Variants in INF2 observed in about 807,000 individuals in gnomAD.
INF2 encodes inverted formin-2.
INF2 carries 43 observed loss-of-function variants against 123.5 expected under a neutral mutation model. The observed-to-expected ratio is 0.35, with a 90% CI of 0.27 to 0.45. The LOEUF (loss-of-function observed/expected upper bound fraction) is 0.45. Ranked by LOEUF, INF2 falls within the 20% of genes least tolerant of loss-of-function variation. The pLI, the probability that INF2 is intolerant of heterozygous loss-of-function variation, is 1.00. For synonymous variants in INF2, 851 were observed against 745.0 expected (o/e 1.14, Z -2.32); for missense variants, 1,453 against 1,682.7 (o/e 0.86, Z 2.39).
chr14:104,710,151 G>A lies in INF2; in HGVS notation c.2202G>A (p.Val734=), dbSNP rs376146089. The A allele has an allele frequency of 1.7e-4, 270 of 1,552,392 alleles. No individual in the cohort carries two copies. Among genetic ancestry groups the A allele is most frequent in the Non-Finnish European group, 2.2e-4 (256 of 1,148,836 alleles). The change falls in exon 13 of 23, where the codon GTG becomes GTA. Residue 734 remains valine, a synonymous_variant. Transcript: ENST00000392634. ...CEGAAAVLDM[V]RPKAQLVLAA... is the part of the protein sequence containing the mutation. ...GCGCGGCCGCCGTGCTGGACATGGT[G>A]CGGCCCAAGGCCCAGCTGGTGCTGG...
At chr14:104,682,743 C>T (rs1319282818) in intron 1 of INF2, among the ~76,000 whole-genome samples, 1 of 152,168 alleles carries the variant, frequency 6.6e-6, no homozygotes, top group East Asian at 1.9e-4. Flanking sequence ...CAGGAATGCT[C>T]ACCGTGAAAC....
intron 1 of INF2, among the ~76,000 whole-genome samples, chr14:104,683,163 G>A (rs1332014062): frequency 2.0e-5 from 3 of 152,052 alleles, no homozygotes; most frequent in African/African-American, 7.2e-5. Flanking sequence ...CCTGGGGGAG[G>A]GGTCTGCGGG....
At position 104,722,534 on chromosome 14, in the gene INF2, T is replaced by A. The variant is rs1261522627; in HGVS notation, c.*3741T>A. 5 of 152,238 alleles carry A rather than the reference T, an allele frequency of 3.3e-5. No individual in the cohort carries two copies. Among genetic ancestry groups the A allele is most frequent in the African/African-American group, 4.8e-5 (2 of 41,414 alleles). The allele number at this position is 152,238 out of a possible 1,614,324, so 9.4% of individuals were successfully genotyped here. On this transcript the variant is annotated 3_prime_UTR_variant, in exon 23 of 23. Coordinates refer to ENST00000392634, the MANE Select transcript of INF2 (RefSeq NM_022489.4). ...ATCTGGAAACAAACCTCCATGACGC[T>A]CTTGGTTTCTCCTGTTGCAGTCTGC...
At chr14:104,682,003 A>G (rs1430258417) in intron 1 of INF2, among the ~76,000 whole-genome samples, 7 of 150,938 alleles carry the variant, frequency 4.6e-5, no homozygotes, top group African/African-American at 1.7e-4. Flanking sequence ...GGAGGGGAGG[A>G]GGGCCTGGAG....
rs750711173 is a variant in INF2, at chr14:104,703,297, G to A, written c.510G>A (p.Thr170=). The A allele has an allele frequency of 7.3e-5, 118 of 1,612,936 alleles. No homozygotes were observed. The highest frequency in any genetic ancestry group is 2.8e-5 in the Non-Finnish European group (33 of 1,179,924). The change falls in exon 4 of 23, where the codon ACG becomes ACA. Residue 170 remains threonine (T), a splice_region_variant and synonymous_variant. Coordinates refer to ENST00000392634, the MANE Select transcript of INF2 (RefSeq NM_022489.4). ...LTLDALDHYK[T]VCSQQYRFSI... ...CCCTGACCCCGCCCTCCCCACAGAC[G>A]GTGTGCAGCCAGCAGTACCGCTTCA...
At chr14:104,694,303 G>A (rs1435949672) in intron 1 of INF2, among the ~76,000 whole-genome samples, 4 of 152,374 alleles carry the variant, frequency 2.6e-5, no homozygotes, top group Admixed American at 6.5e-5. Context: ...TGGCACCCTC[G>A]TGTCCCAGCA....
intron 21 of INF2, 65 bp from the exon 22 acceptor site, chr14:104,715,219 C>G (rs1890240675): frequency 1.3e-6 from 2 of 1,520,396 alleles, no homozygotes; most frequent in Admixed American, 1.7e-5. Context: ...CAGCCCCACC[C>G]ACTCCGAGTC....
chr14:104,712,605 T>C, intron 17 of INF2, 52 bp downstream of exon 17: 3 of 1,609,998 alleles, frequency 1.9e-6, no homozygotes, highest in East Asian at 4.5e-5. Flanking sequence ...CCTGATAGAG[T>C]GAGCTGGGCG....
chr14:104,703,086 G>T lies in INF2; in HGVS notation c.392-19G>T, dbSNP rs1193043432. On this transcript the variant is annotated intron_variant, in intron 2 of 22. Coordinates refer to ENST00000392634, the MANE Select transcript of INF2 (RefSeq NM_022489.4). The stretch of plus-strand genomic sequence containing the variant: ...GGGGTGCATTGGCCCTGCTGAGCCT[G>T]CCCACTCCACCCTGGCAGCCCTGGA... 1 of 1,599,176 alleles carries T rather than the reference G, an allele frequency of 6.3e-7. No homozygotes were observed. Among genetic ancestry groups the T allele is most frequent in the Non-Finnish European group, 8.6e-7 (1 of 1,167,662 alleles).
chr14:104,716,110 G>A (rs1018591569), intron 22 of INF2: 1 of 365,418 alleles, frequency 2.7e-6, no homozygotes, highest in Admixed American at 3.5e-5. Context: ...GAACCAGAAG[G>A]TCCAGCCCGG....
At chr14:104,706,279 C>A in intron 6 of INF2, 103 bp downstream of exon 6, 2 of 1,200,680 alleles carry the variant, frequency 1.7e-6, no homozygotes, top group Non-Finnish European at 2.3e-6. Flanking sequence ...CTGGTCAGAC[C>A]CTGCTGTGAC....
Position 104,719,960 on chromosome 14 carries a change from G to T in INF2, c.*1167G>T, listed in dbSNP as rs144904710. ...AAACCACCAGACTCCCTGGTTATGT[G>T]TGTGCTGCGGTGGTGTTTGCTCTCC... On this transcript the variant is annotated 3_prime_UTR_variant, in exon 23 of 23. Coordinates refer to ENST00000392634, the MANE Select transcript of INF2 (RefSeq NM_022489.4). 1,005 of 152,566 alleles carry T rather than the reference G, an allele frequency of 6.6e-3. 8 individuals carry two copies. The highest frequency in any genetic ancestry group is 9.1e-3 in the Non-Finnish European group (619 of 68,182). 9.5% of individuals were successfully genotyped at this position (152,566 alleles called of 1,614,324 possible).
chr14:104,694,221 C>T (rs947730753), intron 1 of INF2, among the ~76,000 whole-genome samples: 7 of 152,228 alleles, frequency 4.6e-5, no homozygotes, highest in South Asian at 4.1e-4. Flanking sequence ...GCTACGGGGC[C>T]CTGGAGAACA....
chr14:104,712,782 G>A (rs753890097), intron 17 of INF2, 46 bp from the exon 18 acceptor site: 1 of 1,553,800 alleles, frequency 6.4e-7, no homozygotes, highest in South Asian at 1.2e-5. Context: ...CCCGGGTGGT[G>A]CCCGCGCGGG....
intron 1 of INF2, among the ~76,000 whole-genome samples, chr14:104,698,772 CAGA>C (rs1217876268): frequency 1.3e-5 from 2 of 152,124 alleles, no homozygotes; most frequent in African/African-American, 4.8e-5. Context: ...GGCAGCACCA[CAGA>C]AGGAGGAGAG....
At position 104,722,425 on chromosome 14, in the gene INF2, G is replaced by GC. The variant is rs370584014; in HGVS notation, c.*3640dup. On this transcript the variant is annotated 3_prime_UTR_variant, in exon 23 of 23. Coordinates refer to ENST00000392634, the MANE Select transcript of INF2 (RefSeq NM_022489.4). ...CCCCAGGAAGGGCTCAGAGCTGGTG[G>GC]CCCCCCCCAGGCCTTGGCAGCACCT... 9.8e-4 allele frequency: 149 copies of GC among 151,986 alleles called. 1 individual carries two copies. Among genetic ancestry groups the GC allele is most frequent in the African/African-American group, 1.7e-3 (70 of 41,422 alleles). 9.4% of individuals were successfully genotyped at this position (151,986 alleles called of 1,614,324 possible).
In INF2 at chr14:104,701,339, C is replaced by G; in HGVS notation, c.-9-18C>G. ...CCCATCCCCTCCCCGCTGACGGCTC[C>G]CTGCCCTCTGCCTGCAGCTCGGCAA... On this transcript the variant is annotated intron_variant, in intron 1 of 22. Coordinates refer to ENST00000392634, the MANE Select transcript of INF2 (RefSeq NM_022489.4). The G allele has an allele frequency of 6.4e-7, 1 of 1,559,526 alleles. No homozygotes were observed. Among genetic ancestry groups the G allele is most frequent in the Non-Finnish European group, 8.7e-7 (1 of 1,151,288 alleles).
chr14:104,714,887 C>G, intron 21 of INF2, 31 bp downstream of exon 21: 3 of 1,500,082 alleles, frequency 2.0e-6, no homozygotes, highest in Non-Finnish European at 2.6e-6. Flanking sequence ...GGGCACCGTC[C>G]CACGCCAGGG....
chr14:104,709,445 C>T, intron 11 of INF2, 62 bp downstream of exon 11: 1 of 1,394,370 alleles, frequency 7.2e-7, no homozygotes, highest in Non-Finnish European at 1.0e-6. Context: ...GAGAGGCTGT[C>T]CCGGGGGCTC....
Sources: allele counts gnomAD v4.1 joint callset (sites outside exome capture counted in the v4.1 genomes callset), GRCh38; gene constraint gnomAD v4.1.1; transcripts MANE v1.5; gene names NCBI Gene and HGNC (gene_info 2026-07-23, HGNC 2026-07-21).